The following LRCH2 variants were observed in gnomAD, a reference collection of about 807,000 sequenced individuals.
The protein encoded by LRCH2 is leucine-rich repeat and calponin homology domain-containing protein 2.
Under a neutral mutation model 68.9 loss-of-function variants are expected in LRCH2, and 38 were observed. The ratio of observed to expected loss-of-function variants is 0.55; its 90% confidence interval spans 0.43 to 0.72. LRCH2 has a LOEUF of 0.72. Ranked by LOEUF, LRCH2 falls within the 30% of genes least tolerant of loss-of-function variation. The pLI is 0.00. For synonymous variants in LRCH2, 191 were observed against 208.1 expected, an observed-to-expected ratio of 0.92 and a Z score of 0.71; for missense variants, 528 against 572.9, an observed-to-expected ratio of 0.92 and a Z score of 0.80.
At chrX:115,124,323 T>C (rs970267353) in intron 16 of LRCH2, among the ~76,000 whole-genome samples, 1 of 111,972 alleles carries the variant, frequency 8.9e-6, no homozygotes, top group Non-Finnish European at 1.9e-5. Context: ...AAAAAAGAAG[T>C]AAGCTTCAAT....
intron 3 of LRCH2, among the ~76,000 whole-genome samples, chrX:115,181,198 T>A (rs2072689127): frequency 1.8e-5 from 2 of 110,851 alleles, no homozygotes; most frequent in African/African-American, 6.6e-5. Context: ...TAGAGGGAAA[T>A]GGGCAAGGGA....
At chrX:115,219,495 T>C (rs2073064569) in intron 1 of LRCH2, among the ~76,000 whole-genome samples, 1 of 111,674 alleles carries the variant, frequency 9.0e-6, no homozygotes, top group Non-Finnish European at 1.9e-5. Flanking sequence ...CAGCTGCCAG[T>C]AAGACAAGAC....
At chrX:115,221,142 A>T (rs1205317895) in intron 1 of LRCH2, among the ~76,000 whole-genome samples, 1 of 90,171 alleles carries the variant, frequency 1.1e-5, no homozygotes, top group South Asian at 5.9e-4. Flanking sequence ...ACGCCACTGC[A>T]CTCCAGTCTG....
At chrX:115,174,860 AT>A (rs1556549535) in intron 5 of LRCH2, among the ~76,000 whole-genome samples, 2 of 111,661 alleles carry the variant, frequency 1.8e-5, no homozygotes, top group Non-Finnish European at 3.8e-5. Flanking sequence ...TTGCATGCTA[AT>A]GAATGACTGG....
At chrX:115,202,171 C>T (rs984364001) in intron 1 of LRCH2, among the ~76,000 whole-genome samples, 1 of 111,699 alleles carries the variant, frequency 9.0e-6, no homozygotes, top group Admixed American at 9.5e-5. Context: ...TCATATAGAA[C>T]CAAAAAAGAG....
intron 12 of LRCH2, 94 bp from the exon 13 acceptor site, chrX:115,150,164 T>C (rs781963042): frequency 1.4e-6 from 1 of 693,745 alleles, no homozygotes; most frequent in East Asian, 3.7e-5. Flanking sequence ...TTTAAAAACA[T>C]TGTAAAGAAT....
chrX:115,234,047 T>G lies in LRCH2; in HGVS notation c.-6A>C. On this transcript the variant is annotated 5_prime_UTR_variant, in exon 1 of 21. Transcript: ENST00000317135. Reference sequence around the variant, plus strand: ...CCTCCCTGACTCGCCGCCATGTTCCTGGGAGAGAGAATAGCCCCCGACAAT... The same window carrying G: ...CCTCCCTGACTCGCCGCCATGTTCCGGGGAGAGAGAATAGCCCCCGACAAT... 1 of 1,163,286 alleles carries G rather than the reference T, an allele frequency of 8.6e-7. No individual in the cohort carries two copies. Among genetic ancestry groups the G allele is most frequent in the Non-Finnish European group, 1.1e-6 (1 of 871,336 alleles).
rs187777723 is a variant in LRCH2, at chrX:115,131,931, T to C, written c.1696-1732A>G. Reference sequence around the variant, plus strand: ...CTGCTTTGCCCACTATTTGATGGGGTTGTTTGATTTTTGCTTGTAAATTTG... The same window carrying C: ...CTGCTTTGCCCACTATTTGATGGGGCTGTTTGATTTTTGCTTGTAAATTTG... On this transcript the variant is annotated intron_variant, in intron 14 of 20. Transcript: ENST00000317135. 2.1e-3 allele frequency among the ~76,000 whole-genome samples: 237 copies of C among 111,539 alleles called. 1 individual carries two copies. Among genetic ancestry groups the C allele is most frequent in the African/African-American group, 6.2e-3 (191 of 30,727 alleles).
intron 1 of LRCH2, among the ~76,000 whole-genome samples, chrX:115,230,823 A>G (rs1245849710): frequency 4.5e-5 from 5 of 111,389 alleles, no homozygotes; most frequent in African/African-American, 1.6e-4. Flanking sequence ...AGTGCTTAAA[A>G]AATAAACAAT....
rs981805871 is a variant in LRCH2, at chrX:115,191,216, A to T, written c.350-2846T>A. The T allele has an allele frequency of 1.4e-5, 16 of 1,154,201 alleles. No individual in the cohort carries two copies. Among genetic ancestry groups the T allele is most frequent in the Non-Finnish European group, 1.7e-5 (15 of 867,706 alleles). On this transcript the variant is annotated intron_variant, in intron 1 of 20. Transcript: ENST00000317135. ...CGCTACGGAGGAGGAGGCTGCTACG[A>T]GGAGTACCGAGGCCGCTCCCTCGAT...
At chrX:115,173,978 T>C in intron 5 of LRCH2, among the ~76,000 whole-genome samples, 1 of 112,121 alleles carries the variant, frequency 8.9e-6, no homozygotes, top group Middle Eastern at 4.6e-3. Context: ...ACATATAACA[T>C]ATAAAATATG....
chrX:115,191,118 G>A (rs1411221614), intron 1 of LRCH2: 14 of 1,159,747 alleles, frequency 1.2e-5, no homozygotes, highest in Middle Eastern at 4.7e-4. Context: ...GAGGCCGCTC[G>A]CATGACGCCC....
chrX:115,132,779 A>C (rs1031863146), intron 14 of LRCH2, among the ~76,000 whole-genome samples: 9 of 111,896 alleles, frequency 8.0e-5, no homozygotes, highest in Admixed American at 2.9e-4. Flanking sequence ...CAATCACTGA[A>C]GTCACTTATT....
Position 115,113,058 on chromosome X carries a change from A to G in LRCH2, c.*158T>C. 1 of 390,539 alleles carries G rather than the reference A, an allele frequency of 2.6e-6. No homozygotes were observed. The highest frequency in any genetic ancestry group is 1.3e-4 in the South Asian group (1 of 7,553). The allele number at this position is 390,539 out of a possible 1,213,427, so 32.2% of individuals were successfully genotyped here. A position where few individuals can be genotyped will look rare whatever the true frequency, so the allele number is the denominator to read the frequency against. On this transcript the variant is annotated 3_prime_UTR_variant, in exon 21 of 21. Coordinates refer to ENST00000317135, the MANE Select transcript of LRCH2 (RefSeq NM_020871.4). ...TCCCCCAAAGAAGTTCGGGCAATTC[A>G]ATGTTTAAGTTTGATGTTTCAATGT...
chrX:115,198,240 A>G (rs1227714739), intron 1 of LRCH2, among the ~76,000 whole-genome samples: 1 of 111,163 alleles, frequency 9.0e-6, no homozygotes, highest in Non-Finnish European at 1.9e-5. Context: ...ATTTAACAAA[A>G]TAAGAAACGA....
intron 14 of LRCH2, among the ~76,000 whole-genome samples, chrX:115,131,337 C>T (rs1439713121): frequency 1.9e-5 from 2 of 105,940 alleles, no homozygotes; most frequent in East Asian, 3.0e-4. Flanking sequence ...TTCCCACCTA[C>T]GACTGAGAAC....
chrX:115,231,952 T>G lies in LRCH2; in HGVS notation c.349+1741A>C, dbSNP rs191879644. 2.8e-4 allele frequency among the ~76,000 whole-genome samples: 31 copies of G among 110,599 alleles called. No individual in the cohort carries two copies. In the East Asian group the frequency reaches 7.1e-3, roughly 25 times the overall value. ...AGGAGATTCTTGTGGACTAAGGGAG[T>G]TGGAGACAATTTCTTGGAAGAGCTG... On this transcript the variant is annotated intron_variant, in intron 1 of 20. Coordinates refer to ENST00000317135, the MANE Select transcript of LRCH2 (RefSeq NM_020871.4).
chrX:115,123,339 T>G lies in LRCH2; in HGVS notation c.1850-147A>C, dbSNP rs181626523. ...TTCCAAATATTTTTAGAGAATATAT[T>G]TGAACTCTATTTATGTGCATAATTG... On this transcript the variant is annotated intron_variant, in intron 17 of 20. Transcript: ENST00000317135. The G allele has an allele frequency of 2.5e-4, 110 of 434,807 alleles. 1 individual carries two copies. Among genetic ancestry groups the G allele is most frequent in the Admixed American group, 1.5e-3 (35 of 23,752 alleles). 35.8% of individuals were successfully genotyped at this position (434,807 alleles called of 1,213,427 possible).
intron 12 of LRCH2, among the ~76,000 whole-genome samples, chrX:115,156,303 A>T (rs193237972): frequency 8.9e-6 from 1 of 112,071 alleles, no homozygotes; most frequent in African/African-American, 3.2e-5. Context: ...ACAATCAATG[A>T]TAAAGAAACA....
Sources: allele counts gnomAD v4.1 joint callset (sites outside exome capture counted in the v4.1 genomes callset), GRCh38; gene constraint gnomAD v4.1.1; transcripts MANE v1.5; gene names NCBI Gene and HGNC (gene_info 2026-07-23, HGNC 2026-07-21).